The following HECTD4 variants were observed in gnomAD, a reference collection of about 807,000 sequenced individuals.
The protein encoded by HECTD4 is HECT domain E3 ubiquitin protein ligase 4.
In HECTD4, 114 loss-of-function variants were observed where a neutral mutation model predicts 471.5. That is an observed-to-expected ratio of 0.24 (90% confidence interval 0.21 to 0.28). HECTD4 has a LOEUF of 0.28. Ranked by LOEUF, HECTD4 falls within the 10% of genes least tolerant of loss-of-function variation. The probability of loss-of-function intolerance (pLI) is 1.00; values close to 1 mark genes in which losing one functional copy is unlikely to be tolerated. For synonymous variants in HECTD4, 2,012 were observed against 2,256.0 expected, an observed-to-expected ratio of 0.89 and a Z score of 3.07; for missense variants, 3,866 against 5,651.5, an observed-to-expected ratio of 0.68 and a Z score of 10.13.
intron 37 of HECTD4, 128 bp from the exon 38 acceptor site, chr12:112,233,213 GC>G (rs1173467103): frequency 4.8e-5 from 16 of 336,078 alleles, no homozygotes; most frequent in Middle Eastern, 8.4e-4. Flanking sequence ...ACTAACATTA[GC>G]TTTTTTTTTT....
At chr12:112,349,388 C>CAAAAAAAAAAAAAAAA (rs60480485) in intron 1 of HECTD4, among the ~76,000 whole-genome samples, 7 of 54,684 alleles carry the variant, frequency 1.3e-4, no homozygotes, top group East Asian at 1.0e-3. Context: ...ACTCTTGCTC[C>CAAAAAAAAAAAAAAAA]AAAAAAAAAA....
At chr12:112,276,970 T>C (rs1353935637) in intron 9 of HECTD4, among the ~76,000 whole-genome samples, 3 of 152,134 alleles carry the variant, frequency 2.0e-5, no homozygotes, top group Non-Finnish European at 4.4e-5. Flanking sequence ...AATAGAACCA[T>C]TATACTTTGG....
chr12:112,225,031 C>T (rs950334116), intron 44 of HECTD4, among the ~76,000 whole-genome samples: 1 of 152,126 alleles, frequency 6.6e-6, no homozygotes, highest in Non-Finnish European at 1.5e-5. Context: ...TCACCCTTGA[C>T]GCCTAGCACA....
Position 112,308,446 on chromosome 12 carries a change from AC to A in HECTD4, c.1164+306del, listed in dbSNP as rs142860466. Among the ~76,000 whole-genome samples the A allele has an allele frequency of 0.046, 6,868 of 149,322 alleles. 869 individuals are homozygous for A. The East Asian group carries it at 0.55, about 12-fold the overall frequency. ...TGGTTCAAAAAAAGCAAAAAAAAAA[AC>A]AAAAACAAAACAAAAAAAAAAAACC... On this transcript the variant is annotated intron_variant, in intron 6 of 75. Transcript: ENST00000682272.
At chr12:112,167,092 A>C in intron 72 of HECTD4, 2 of 446,886 alleles carry the variant, frequency 4.5e-6, no homozygotes, top group Non-Finnish European at 7.9e-6. Flanking sequence ...GAGGGCCAGC[A>C]GGGCTGGTCA....
intron 34 of HECTD4, among the ~76,000 whole-genome samples, chr12:112,238,632 C>T (rs779837393): frequency 6.6e-6 from 1 of 151,896 alleles, no homozygotes; most frequent in Non-Finnish European, 1.5e-5. Flanking sequence ...AGGCTGTGGT[C>T]GGGGGATCTC....
intron 1 of HECTD4, among the ~76,000 whole-genome samples, chr12:112,376,172 T>TC (rs2036774674): frequency 6.6e-6 from 1 of 152,188 alleles, no homozygotes. Flanking sequence ...TCTTTTTTTT[T>TC]CTCTTTGCCT....
chr12:112,361,353 C>T (rs2036445280), intron 1 of HECTD4, among the ~76,000 whole-genome samples: 1 of 151,998 alleles, frequency 6.6e-6, no homozygotes, highest in African/African-American at 2.4e-5. Context: ...CAATCACAGC[C>T]TCAACCTCTA....
intron 16 of HECTD4, 38 bp from the exon 17 acceptor site, chr12:112,264,250 C>G: frequency 6.8e-7 from 1 of 1,466,854 alleles, no homozygotes; most frequent in Non-Finnish European, 9.1e-7. Context: ...GATCTAAATC[C>G]TACTGAAAGA....
At chr12:112,346,365 T>C (rs911216451) in intron 1 of HECTD4, among the ~76,000 whole-genome samples, 1 of 152,184 alleles carries the variant, frequency 6.6e-6, no homozygotes, top group African/African-American at 2.4e-5. Context: ...TTCTTTTCTC[T>C]CTCTCCTTTT....
chr12:112,366,731 A>G (rs971278246), intron 1 of HECTD4, among the ~76,000 whole-genome samples: 8 of 151,756 alleles, frequency 5.3e-5, no homozygotes, highest in Admixed American at 2.6e-4. Context: ...AAATACAAAA[A>G]TTAGCCAGAC....
chr12:112,214,546 G>A (rs558703773), intron 48 of HECTD4, among the ~76,000 whole-genome samples: 4 of 152,310 alleles, frequency 2.6e-5, no homozygotes, highest in African/African-American at 7.2e-5. Flanking sequence ...GACAGATTGG[G>A]TTCTAATTCC....
At chr12:112,294,446 A>G (rs2034960673) in intron 7 of HECTD4, among the ~76,000 whole-genome samples, 1 of 152,224 alleles carries the variant, frequency 6.6e-6, no homozygotes, top group South Asian at 2.1e-4. Context: ...GCTAAGCCCT[A>G]TCATTTGTGA....
intron 1 of HECTD4, among the ~76,000 whole-genome samples, chr12:112,357,969 G>A (rs921277754): frequency 6.6e-6 from 1 of 152,196 alleles, no homozygotes. Flanking sequence ...TTGGGAAGCC[G>A]AGGCAGGCGG....
At chr12:112,233,132 C>A in intron 37 of HECTD4, 47 bp from the exon 38 acceptor site, 1 of 1,494,786 alleles carries the variant, frequency 6.7e-7, no homozygotes, top group East Asian at 2.4e-5. Flanking sequence ...CAGGCACTGC[C>A]AAAAGTGGGC....
chr12:112,221,658 A>G (rs888828294), intron 44 of HECTD4, among the ~76,000 whole-genome samples: 1 of 152,108 alleles, frequency 6.6e-6, no homozygotes, highest in Non-Finnish European at 1.5e-5. Context: ...GCGGTTTCTC[A>G]TGCCTGTAAT....
At chr12:112,177,668 C>T (rs956004467) in intron 64 of HECTD4, among the ~76,000 whole-genome samples, 2 of 152,214 alleles carry the variant, frequency 1.3e-5, no homozygotes, top group African/African-American at 4.8e-5. Context: ...GCGTGAGCCA[C>T]CGCGCCCGGC....
At position 112,212,469 on chromosome 12, in the gene HECTD4, C is replaced by G; in HGVS notation, c.7629+18G>C. 1 of 1,595,046 alleles carries G rather than the reference C, an allele frequency of 6.3e-7. No homozygotes were observed. Among genetic ancestry groups the G allele is most frequent in the Non-Finnish European group, 8.6e-7 (1 of 1,166,760 alleles). On this transcript the variant is annotated intron_variant, in intron 49 of 75. Coordinates refer to ENST00000682272, the MANE Select transcript of HECTD4 (RefSeq NM_001388303.1). The stretch of plus-strand genomic sequence containing the variant: ...GATGAAGGAGAATTTGTTTTCCTTT[C>G]CCAACAAGGTAACCTGCCTTTTTCT...
Position 112,276,767 on chromosome 12 carries a change from TAAAAGA to T in HECTD4, c.1688-1813_1688-1808del, listed in dbSNP as rs1183106846. ...CCAAAAAACCCAATCTTTAAATGGATAAAAGACTTTGGAGGAATAGATATTCCTCCA... is the reference window on the plus strand; with the variant it reads ...CCAAAAAACCCAATCTTTAAATGGATCTTTGGAGGAATAGATATTCCTCCA... On this transcript the variant is annotated intron_variant, in intron 9 of 75. Coordinates refer to ENST00000682272, the MANE Select transcript of HECTD4 (RefSeq NM_001388303.1). Among the ~76,000 whole-genome samples, 44 of 152,128 alleles carry T rather than the reference TAAAAGA, an allele frequency of 2.9e-4. No individual in the cohort carries two copies. In the East Asian group the frequency reaches 5.0e-3, roughly 17 times the overall value.
Sources: gnomAD v4.1 joint callset for allele counts (sites outside exome capture counted in the v4.1 genomes callset) on GRCh38, gnomAD v4.1.1 for gene constraint, MANE v1.5 for transcripts, NCBI Gene and HGNC (gene_info 2026-07-23, HGNC 2026-07-21) for gene names.